Variants in C2CD5 observed in about 807,000 individuals in gnomAD.
C2CD5 encodes the protein C2 domain-containing protein 5.
C2CD5 carries 109 observed loss-of-function variants against 130.3 expected under a neutral mutation model. The ratio of observed to expected loss-of-function variants is 0.84; its 90% CI spans 0.72 to 0.98. C2CD5 has a LOEUF of 0.98. Among genes scored for constraint, C2CD5 ranks in the 50% least tolerant of loss-of-function variants. The probability of loss-of-function intolerance (pLI) is 0.00; values close to 1 mark genes in which losing one functional copy is unlikely to be tolerated. For missense variants in C2CD5, 996 were observed against 1,261.8 expected (o/e 0.79, Z 3.19); for synonymous variants, 454 against 429.2 (o/e 1.06, Z -0.71).
intron 22 of C2CD5, among the ~76,000 whole-genome samples, chr12:22,465,369 A>T (rs573745351): frequency 3.8e-4 from 58 of 152,272 alleles, no homozygotes; most frequent in African/African-American, 1.3e-3. Flanking sequence ...TTTAATGAAA[A>T]CTATTATCCT....
intron 22 of C2CD5, among the ~76,000 whole-genome samples, chr12:22,468,055 G>A (rs557882504): frequency 2.0e-5 from 3 of 147,564 alleles, no homozygotes; most frequent in East Asian, 2.0e-4. Context: ...AACCTTTGTC[G>A]ATTAGGTTTT....
At chr12:22,490,913 C>A (rs1280782508) in intron 11 of C2CD5, among the ~76,000 whole-genome samples, 1 of 151,782 alleles carries the variant, frequency 6.6e-6, no homozygotes, top group Non-Finnish European at 1.5e-5. Context: ...TAAATAAAAC[C>A]CAGAAATAAA....
At position 22,484,789 on chromosome 12, in the gene C2CD5, G is replaced by A. The variant is rs1945247220; in HGVS notation, c.1458C>T (p.Cys486=). ...GAACATCAGGAACTTTTTGTTTCCT[G>A]CAGTTATAGCAATATGTGAGATGAG... is the stretch of plus-strand genomic sequence containing the variant. ...FPAHLTYCYN[C]RKQKVPDVLF... The change falls in exon 13 of 27, where the codon TGC becomes TGT. Residue 486 remains cysteine, a synonymous_variant. Coordinates refer to ENST00000446597, the MANE Select transcript of C2CD5 (RefSeq NM_001286176.2). 6.2e-7 allele frequency: 1 copy of A among 1,607,740 alleles called. No individual in the cohort carries two copies. Among genetic ancestry groups the A allele is most frequent in the East Asian group, 2.2e-5 (1 of 44,666 alleles).
intron 22 of C2CD5, chr12:22,464,002 A>G (rs372305540): frequency 4.6e-5 from 7 of 152,194 alleles, no homozygotes; most frequent in East Asian, 1.9e-4. Flanking sequence ...GTTATGCTTT[A>G]TAAGTATAAA....
intron 11 of C2CD5, among the ~76,000 whole-genome samples, chr12:22,492,132 A>G (rs1414073923): frequency 2.6e-5 from 4 of 152,150 alleles, no homozygotes; most frequent in Non-Finnish European, 4.4e-5. Context: ...CTACAGTTTA[A>G]TTCTTTTTCC....
At chr12:22,540,013 G>GA (rs1257055700) in intron 2 of C2CD5, among the ~76,000 whole-genome samples, 4 of 146,460 alleles carry the variant, frequency 2.7e-5, no homozygotes, top group Non-Finnish European at 6.1e-5. Context: ...AAAAAAAAGA[G>GA]AAAAAAAACC....
At chr12:22,523,317 TCA>T in intron 7 of C2CD5, 107 bp downstream of exon 7, 1 of 760,104 alleles carries the variant, frequency 1.3e-6, no homozygotes, top group Non-Finnish European at 2.1e-6. Flanking sequence ...ATAAAAATCA[TCA>T]CAGAGAAAAT....
At chr12:22,454,974 G>C (rs899220829) in intron 25 of C2CD5, among the ~76,000 whole-genome samples, 13 of 152,130 alleles carry the variant, frequency 8.5e-5, no homozygotes, top group African/African-American at 3.1e-4. Flanking sequence ...CTAGTCAATA[G>C]CTTGAAATGC....
intron 7 of C2CD5, among the ~76,000 whole-genome samples, chr12:22,520,521 T>C (rs974375079): frequency 6.6e-6 from 1 of 152,148 alleles, no homozygotes; most frequent in Non-Finnish European, 1.5e-5. Context: ...TTTACTATAA[T>C]GGATAAAAAT....
Position 22,478,409 on chromosome 12 carries a change from A to G in C2CD5, c.1806T>C (p.Pro602=), listed in dbSNP as rs1386226109. The G allele has an allele frequency of 3.1e-6, 5 of 1,613,288 alleles. No homozygotes were observed. The highest frequency in any genetic ancestry group is 4.5e-5 in the East Asian group (2 of 44,832). The change falls in exon 15 of 27, where the codon CCT becomes CCC. Residue 602 remains proline (P), a synonymous_variant. Coordinates refer to ENST00000446597, the MANE Select transcript of C2CD5 (RefSeq NM_001286176.2). ...PGGIQIAGKT[P]NDGSYEQHIS... Reference sequence around the variant, plus strand: ...TGTGTTGTTCATATGAGCCATCATTAGGAGTCTTCCCAGCAATCTGAATAC... The same window carrying G: ...TGTGTTGTTCATATGAGCCATCATTGGGAGTCTTCCCAGCAATCTGAATAC...
chr12:22,524,746 T>C, intron 5 of C2CD5, 119 bp from the exon 6 acceptor site: 1 of 631,028 alleles, frequency 1.6e-6, no homozygotes, highest in African/African-American at 1.9e-5. Context: ...TTTACTGTAA[T>C]ATTTTCAATG....
At position 22,527,742 on chromosome 12, in the gene C2CD5, G is replaced by T. The variant is rs1409927609; in HGVS notation, c.328C>A (p.Pro110Thr). ...EAATVISGWF[P>T]IYDTIHGIRG... is the part of the protein sequence containing the mutation. ...TTACCATGTATGGTGTCATAAATTG[G>T]AAACCATCCTGAGATGACTGTTGCA... The change falls in exon 4 of 27, where the codon CCA becomes ACA. Residue 110 changes from proline to threonine, a missense_variant. By Grantham distance (38) the Pro-to-Thr change is conservative (BLOSUM62 -1). Coordinates refer to ENST00000446597, the MANE Select transcript of C2CD5 (RefSeq NM_001286176.2). 1 of 1,576,518 alleles carries T rather than the reference G, an allele frequency of 6.3e-7. No individual in the cohort carries two copies. The highest frequency in any genetic ancestry group is 8.6e-7 in the Non-Finnish European group (1 of 1,157,832).
intron 10 of C2CD5, among the ~76,000 whole-genome samples, chr12:22,504,365 G>A (rs1948209193): frequency 1.3e-5 from 2 of 149,136 alleles, no homozygotes; most frequent in South Asian, 2.1e-4. Flanking sequence ...GCAGTGGCAC[G>A]ATCTCAGCTC....
chr12:22,496,251 A>G (rs565219957), intron 10 of C2CD5, among the ~76,000 whole-genome samples: 1 of 152,232 alleles, frequency 6.6e-6, no homozygotes, highest in African/African-American at 2.4e-5. Flanking sequence ...CAGAGATATC[A>G]CAGTATTTAA....
chr12:22,527,925 A>C (rs1950874057), intron 3 of C2CD5, 33 bp from the exon 4 acceptor site: 1 of 1,428,060 alleles, frequency 7.0e-7, no homozygotes, highest in Non-Finnish European at 9.6e-7. Flanking sequence ...AAACTCATAT[A>C]GTTTTTAAAT....
Position 22,532,330 on chromosome 12 carries a change from CA to C in C2CD5, c.177+2927del, listed in dbSNP as rs200592425. ...GGGCAACGGGAGTGAAACTCCGTCT[CA>C]AAAAAAAAAAAAAGTTTACATATAT... On this transcript the variant is annotated intron_variant, in intron 3 of 26. Coordinates refer to ENST00000446597, the MANE Select transcript of C2CD5 (RefSeq NM_001286176.2). Among the ~76,000 whole-genome samples the C allele has an allele frequency of 6.8e-3, 894 of 131,332 alleles. 31 individuals carry two copies. The East Asian group carries it at 0.12, about 17-fold the overall frequency. The allele number at this position is 131,332 out of a possible 152,430, so 86.2% of individuals were successfully genotyped here.
chr12:22,527,702 C>G lies in C2CD5; in HGVS notation c.349+19G>C. 7.5e-7 allele frequency: 1 copy of G among 1,336,772 alleles called. No homozygotes were observed. The highest frequency in any genetic ancestry group is 1.0e-6 in the Non-Finnish European group (1 of 965,364). The allele number at this position is 1,336,772 out of a possible 1,614,324, so 82.8% of individuals were successfully genotyped here. ...AAGATTAAGATTGTTATTTATAATACTTTCTTATTATTCCTTACCATGTAT... is the reference window on the plus strand; with the variant it reads ...AAGATTAAGATTGTTATTTATAATAGTTTCTTATTATTCCTTACCATGTAT... On this transcript the variant is annotated intron_variant, in intron 4 of 26. Coordinates refer to ENST00000446597, the MANE Select transcript of C2CD5 (RefSeq NM_001286176.2).
chr12:22,515,674 T>C (rs1949645648), intron 8 of C2CD5, among the ~76,000 whole-genome samples: 2 of 152,126 alleles, frequency 1.3e-5, no homozygotes, highest in African/African-American at 4.8e-5. Context: ...CAGTTGTCAG[T>C]ATTAATTTTA....
chr12:22,523,714 A>G, intron 6 of C2CD5, 90 bp from the exon 7 acceptor site: 1 of 924,862 alleles, frequency 1.1e-6, no homozygotes, highest in Non-Finnish European at 1.6e-6. Context: ...AAAAAAAAAA[A>G]GACCAAGAAA....
Sources: allele counts gnomAD v4.1 joint callset (sites outside exome capture counted in the v4.1 genomes callset), GRCh38; gene constraint gnomAD v4.1.1; transcripts MANE v1.5; gene names NCBI Gene and HGNC (gene_info 2026-07-23, HGNC 2026-07-21).